BCKDHB: variants seen among roughly 807,000 people sequenced by gnomAD.
The protein encoded by BCKDHB is branched chain keto acid dehydrogenase E1 subunit beta.
Under a neutral mutation model 48.5 loss-of-function variants are expected in BCKDHB, and 41 were observed. The ratio of observed to expected loss-of-function variants is 0.85; its 90% CI spans 0.66 to 1.10. BCKDHB has a LOEUF of 1.10. BCKDHB is among the 50% of genes least tolerant of loss of function. The pLI is 0.00. For missense variants in BCKDHB, 496 were observed against 494.2 expected, an observed-to-expected ratio of 1.00 and a Z score of -0.03; for synonymous variants, 201 against 174.8, an observed-to-expected ratio of 1.15 and a Z score of -1.18.
At chr6:80,364,298 G>A in the BCKDHB span, among the ~76,000 whole-genome samples, 1 of 152,152 alleles carries the variant, frequency 6.6e-6, no homozygotes, top group Non-Finnish European at 1.5e-5. Flanking sequence ...CACCACAAAT[G>A]ACCAAGACTC....
chr6:80,392,016 G>A, the BCKDHB span, among the ~76,000 whole-genome samples: 1 of 151,920 alleles, frequency 6.6e-6, no homozygotes, highest in Non-Finnish European at 1.5e-5. Flanking sequence ...TTATTGAGAT[G>A]GAGTCCCACT....
intron 9 of BCKDHB, among the ~76,000 whole-genome samples, chr6:80,282,924 T>C (rs749935155): frequency 1.5e-4 from 23 of 152,166 alleles, no homozygotes; most frequent in Non-Finnish European, 3.2e-4. Context: ...TATAAAGTTG[T>C]TTTGCAAAGA....
the BCKDHB span, among the ~76,000 whole-genome samples, chr6:80,438,428 C>T: frequency 2.0e-5 from 3 of 152,104 alleles, no homozygotes; most frequent in Non-Finnish European, 4.4e-5. Context: ...TTTTTACATG[C>T]ATGTTTTTAC....
chr6:80,311,430 A>C (rs563698242), intron 9 of BCKDHB, among the ~76,000 whole-genome samples: 17 of 152,312 alleles, frequency 1.1e-4, no homozygotes, highest in African/African-American at 4.1e-4. Flanking sequence ...TGCTGTGAAG[A>C]AGCTCTTAAT....
At chr6:80,464,189 G>A in the BCKDHB span, among the ~76,000 whole-genome samples, 2,929 of 152,012 alleles carry the variant, frequency 0.019, 108 homozygotes, top group African/African-American at 0.065. Flanking sequence ...GTGCAGTGGC[G>A]CGATCTTGGC....
chr6:80,230,187 C>T (rs1775863366), intron 8 of BCKDHB, among the ~76,000 whole-genome samples: 1 of 150,044 alleles, frequency 6.7e-6, no homozygotes, highest in South Asian at 2.1e-4. Flanking sequence ...TACAGGCGCC[C>T]ACCACCACGC....
chr6:80,223,242 A>G (rs957419680), intron 8 of BCKDHB, among the ~76,000 whole-genome samples: 1 of 152,192 alleles, frequency 6.6e-6, no homozygotes, highest in African/African-American at 2.4e-5. Flanking sequence ...TTTGAAATAC[A>G]ATATTATTGC....
At chr6:80,255,081 C>T (rs896516869) in intron 8 of BCKDHB, among the ~76,000 whole-genome samples, 1 of 152,160 alleles carries the variant, frequency 6.6e-6, no homozygotes, top group Admixed American at 6.6e-5. Context: ...ATTACATTGT[C>T]ACCACATGTT....
intron 9 of BCKDHB, among the ~76,000 whole-genome samples, chr6:80,283,696 G>C (rs1410792000): frequency 6.6e-6 from 1 of 151,880 alleles, no homozygotes; most frequent in Non-Finnish European, 1.5e-5. Flanking sequence ...TCATTGCATT[G>C]ATCCTTGAAA....
the BCKDHB span, among the ~76,000 whole-genome samples, chr6:80,441,487 T>C: frequency 6.6e-6 from 1 of 152,212 alleles, no homozygotes; most frequent in African/African-American, 2.4e-5. Context: ...GACATGTTAA[T>C]GGTCAATTTA....
the BCKDHB span, among the ~76,000 whole-genome samples, chr6:80,455,052 G>A: frequency 3.3e-5 from 5 of 151,974 alleles, no homozygotes; most frequent in South Asian, 4.2e-4. Flanking sequence ...AGACCATTCC[G>A]GCCTCCTCTC....
In BCKDHB at chr6:80,170,941, A is replaced by G. The variant is rs1400478922; in HGVS notation, c.634-341A>G. 2.6e-5 allele frequency among the ~76,000 whole-genome samples: 4 copies of G among 152,146 alleles called. No individual in the cohort carries two copies. The South Asian group carries it at 6.2e-4, about 24-fold the overall frequency. On this transcript the variant is annotated intron_variant, in intron 5 of 9. Coordinates refer to ENST00000320393, the MANE Select transcript of BCKDHB (RefSeq NM_183050.4). ...ATTAGTAGAAGAGATTTCTTCATAG[A>G]TAAACACAGGTAGATATTAACAATA...
intron 9 of BCKDHB, among the ~76,000 whole-genome samples, chr6:80,339,621 G>T (rs1210302019): frequency 6.6e-6 from 1 of 152,168 alleles, no homozygotes; most frequent in Non-Finnish European, 1.5e-5. Context: ...TGGCTTAGGA[G>T]GTTCCCACTA....
At chr6:80,182,017 T>C (rs528482029) in intron 6 of BCKDHB, among the ~76,000 whole-genome samples, 1 of 152,356 alleles carries the variant, frequency 6.6e-6, no homozygotes, top group South Asian at 2.1e-4. Context: ...ACGTATATTA[T>C]TAATTTATTT....
At chr6:80,458,623 C>G in the BCKDHB span, among the ~76,000 whole-genome samples, 1 of 152,094 alleles carries the variant, frequency 6.6e-6, no homozygotes, top group Non-Finnish European at 1.5e-5. Flanking sequence ...ATAGAAATCC[C>G]TCATGGAGTT....
At chr6:80,349,405 CACAA>C (rs1184338930), downstream of BCKDHB, among the ~76,000 whole-genome samples, 1 of 151,310 alleles carries the variant, frequency 6.6e-6, no homozygotes, top group Non-Finnish European at 1.5e-5. Flanking sequence ...GCCCCTGCAA[CACAA>C]ATGAGGGGTG....
the BCKDHB span, among the ~76,000 whole-genome samples, chr6:80,448,360 G>A: frequency 1.3e-5 from 2 of 152,188 alleles, no homozygotes; most frequent in African/African-American, 4.8e-5. Flanking sequence ...TAAGAAGGAA[G>A]TGACATTGTC....
chr6:80,334,295 C>G (rs1168649983), intron 9 of BCKDHB, among the ~76,000 whole-genome samples: 1 of 151,984 alleles, frequency 6.6e-6, no homozygotes, highest in Non-Finnish European at 1.5e-5. Context: ...ATCATGCTAG[C>G]AAAAATCATC....
chr6:80,450,224 G>C, the BCKDHB span, among the ~76,000 whole-genome samples: 6 of 152,138 alleles, frequency 3.9e-5, no homozygotes, highest in Admixed American at 3.9e-4. Context: ...ATTACTCCCA[G>C]CCCTTCCTAA....
Sources: allele counts gnomAD v4.1 joint callset (sites outside exome capture counted in the v4.1 genomes callset), GRCh38; gene constraint gnomAD v4.1.1; transcripts MANE v1.5; gene names NCBI Gene and HGNC (gene_info 2026-07-23, HGNC 2026-07-21).